Variants in SLC17A8 observed in about 807,000 individuals in gnomAD.
The protein encoded by SLC17A8 is vesicular glutamate transporter 3.
A neutral mutation model predicts 58.0 loss-of-function variants in SLC17A8; 31 were observed. The ratio of observed to expected loss-of-function variants is 0.53; its 90% CI spans 0.40 to 0.72. The LOEUF is 0.72. SLC17A8 is among the 30% of genes least tolerant of loss of function. The pLI is 0.00. For missense variants in SLC17A8, 655 were observed against 727.8 expected (o/e 0.90, Z 1.15); for synonymous variants, 228 against 249.0 (o/e 0.92, Z 0.79).
chr12:100,367,900 T>C (rs923233119), intron 1 of SLC17A8, among the ~76,000 whole-genome samples: 12 of 152,204 alleles, frequency 7.9e-5, no homozygotes, highest in African/African-American at 2.9e-4. Context: ...CCTGTATCTC[T>C]GTGTATAATG....
At position 100,405,860 on chromosome 12, in the gene SLC17A8, C is replaced by T. The variant is rs77892340; in HGVS notation, c.1186+1690C>T. On this transcript the variant is annotated intron_variant, in intron 9 of 11. Coordinates refer to ENST00000323346, the MANE Select transcript of SLC17A8 (RefSeq NM_139319.3). Reference sequence around the variant, plus strand: ...CAGCAGCAAATGAAAACTAACACAGCGGTAGGCAGGGTGCAGTGGCTCACT... The same window carrying T: ...CAGCAGCAAATGAAAACTAACACAGTGGTAGGCAGGGTGCAGTGGCTCACT... 2.7e-4 allele frequency among the ~76,000 whole-genome samples: 41 copies of T among 152,210 alleles called. No homozygotes were observed. The East Asian group carries it at 5.0e-3, about 19-fold the overall frequency.
chr12:100,420,262 A>G lies in SLC17A8; in HGVS notation c.*103A>G. The G allele has an allele frequency of 4.6e-6, 4 of 871,710 alleles. No individual in the cohort carries two copies. The highest frequency in any genetic ancestry group is 7.4e-6 in the Non-Finnish European group (4 of 542,868). The allele number at this position is 871,710 out of a possible 1,614,324, so 54.0% of individuals were successfully genotyped here. A position where few individuals can be genotyped will look rare whatever the true frequency, so the allele number is the denominator to read the frequency against. ...GCTTGCCAGAGGTCCAAATATTGGG[A>G]GGGGAGAAGATCTAACCAGCAACAG... is the stretch of plus-strand genomic sequence containing the variant. On this transcript the variant is annotated 3_prime_UTR_variant, in exon 12 of 12. Transcript: ENST00000323346.
intron 11 of SLC17A8, among the ~76,000 whole-genome samples, chr12:100,418,474 C>A (rs1363587706): frequency 6.6e-6 from 1 of 152,212 alleles, no homozygotes; most frequent in Non-Finnish European, 1.5e-5. Flanking sequence ...AAATGAGTTA[C>A]TGAAGATTGT....
At chr12:100,398,972 C>T (rs1952771248) in intron 5 of SLC17A8, among the ~76,000 whole-genome samples, 1 of 152,132 alleles carries the variant, frequency 6.6e-6, no homozygotes, top group Non-Finnish European at 1.5e-5. Context: ...GAGGCCTCCC[C>T]CGCCACGTGG....
chr12:100,417,171 G>A (rs990381595), intron 10 of SLC17A8, among the ~76,000 whole-genome samples: 1 of 152,228 alleles, frequency 6.6e-6, no homozygotes, highest in African/African-American at 2.4e-5. Flanking sequence ...CTCCCAAAGT[G>A]CTGAGATTAT....
chr12:100,374,660 G>C (rs1406794962), intron 1 of SLC17A8, among the ~76,000 whole-genome samples: 1 of 151,984 alleles, frequency 6.6e-6, no homozygotes. Flanking sequence ...TGAGCCCCCT[G>C]CCTGGGGGAA....
At chr12:100,363,029 C>T (rs368734347) in intron 1 of SLC17A8, among the ~76,000 whole-genome samples, 6 of 152,150 alleles carry the variant, frequency 3.9e-5, no homozygotes, top group South Asian at 2.1e-4. Context: ...CATGATGAAG[C>T]GACAGTTCTG....
chr12:100,379,974 C>A (rs977327670), intron 1 of SLC17A8, among the ~76,000 whole-genome samples: 1 of 151,862 alleles, frequency 6.6e-6, no homozygotes. Context: ...CTGAGGCGGG[C>A]GGATCATCTG....
chr12:100,364,589 G>A (rs956485971), intron 1 of SLC17A8, among the ~76,000 whole-genome samples: 5 of 152,158 alleles, frequency 3.3e-5, no homozygotes, highest in African/African-American at 1.2e-4. Context: ...AAGTCAGCCT[G>A]CCTATCGTCT....
chr12:100,398,282 C>T (rs967656129), intron 5 of SLC17A8, among the ~76,000 whole-genome samples: 11 of 152,128 alleles, frequency 7.2e-5, no homozygotes, highest in South Asian at 4.2e-4. Flanking sequence ...CATCTCCATC[C>T]GCTCATTTGC....
At position 100,419,970 on chromosome 12, in the gene SLC17A8, A is replaced by G. The variant is rs1163694674; in HGVS notation, c.1581A>G (p.Glu527=). 6.2e-7 allele frequency: 1 copy of G among 1,614,184 alleles called. No homozygotes were observed. Residue 527 remains glutamate, a synonymous_variant, in exon 12 of 12, where the codon GAA becomes GAG. Transcript: ENST00000323346. ...AATGTGGAATCATTGACCAGGACGA[A>G]TTAGCTGAGGAGATAGAACTCAACC... The part of the protein sequence containing the change: ...EEKCGIIDQD[E]LAEEIELNHE...
chr12:100,404,712 T>C (rs1298892136), intron 9 of SLC17A8, among the ~76,000 whole-genome samples: 2 of 152,246 alleles, frequency 1.3e-5, no homozygotes, highest in African/African-American at 4.8e-5. Flanking sequence ...TTAACATTTA[T>C]TGAATGCTTT....
At chr12:100,408,346 T>C (rs1415589032) in intron 9 of SLC17A8, among the ~76,000 whole-genome samples, 2 of 152,230 alleles carry the variant, frequency 1.3e-5, no homozygotes, top group Non-Finnish European at 2.9e-5. Flanking sequence ...GCCCCCTCTA[T>C]AGAACATGCA....
Position 100,396,405 on chromosome 12 carries a change from A to G in SLC17A8, c.664A>G (p.Thr222Ala). The G allele has an allele frequency of 8.7e-6, 14 of 1,613,884 alleles. No homozygotes were observed. Among genetic ancestry groups the G allele is most frequent in the Non-Finnish European group, 1.2e-5 (14 of 1,179,912 alleles). Reference protein sequence around the residue: ...PPLERSRLATTSFCGSYAGAV... With the variant: ...PPLERSRLATASFCGSYAGAV... ...TTTGGAGAGAAGCCGACTGGCCACA[A>G]CCTCTTTTTGTGGTGGGTATATTAG... The change falls in exon 5 of 12, where the codon ACC becomes GCC. Residue 222 changes from threonine (T) to alanine (A), a missense_variant. Thr to Ala is a moderately conservative substitution (Grantham distance 58). Coordinates refer to ENST00000323346, the MANE Select transcript of SLC17A8 (RefSeq NM_139319.3).
intron 4 of SLC17A8, among the ~76,000 whole-genome samples, chr12:100,395,442 C>T (rs1189043745): frequency 1.3e-5 from 2 of 151,700 alleles, no homozygotes; most frequent in African/African-American, 4.8e-5. Context: ...TCTTCTGCTT[C>T]AGCCTCCTGC....
intron 10 of SLC17A8, among the ~76,000 whole-genome samples, chr12:100,415,338 T>C (rs946046755): frequency 6.0e-5 from 9 of 150,950 alleles, no homozygotes; most frequent in Non-Finnish European, 1.5e-5. Flanking sequence ...TGGTGGTATG[T>C]GCCTGTAGTC....
At chr12:100,372,084 G>A (rs938450765) in intron 1 of SLC17A8, among the ~76,000 whole-genome samples, 3 of 152,188 alleles carry the variant, frequency 2.0e-5, no homozygotes, top group African/African-American at 7.2e-5. Context: ...GACAACATGA[G>A]CTAAATGGGA....
chr12:100,367,030 A>G (rs1371468989), intron 1 of SLC17A8, among the ~76,000 whole-genome samples: 1 of 152,162 alleles, frequency 6.6e-6, no homozygotes, highest in Non-Finnish European at 1.5e-5. Context: ...CTGTGGCCCC[A>G]TCACCACTGC....
At chr12:100,412,648 G>T in intron 9 of SLC17A8, 122 bp from the exon 10 acceptor site, 74 of 500,724 alleles carry the variant, frequency 1.5e-4, no homozygotes, top group East Asian at 5.3e-4. Flanking sequence ...AAAAAACATA[G>T]ACACAAACAA....
Sources: allele counts gnomAD v4.1 joint callset (sites outside exome capture counted in the v4.1 genomes callset), GRCh38; gene constraint gnomAD v4.1.1; transcripts MANE v1.5; gene names NCBI Gene and HGNC (gene_info 2026-07-23, HGNC 2026-07-21).